The following FBN1 variants were observed in gnomAD, a reference collection of about 807,000 sequenced individuals.
The protein encoded by FBN1 is fibrillin 1, also known as fibrillin-1.
FBN1 carries 29 observed loss-of-function variants against 365.1 expected under a neutral mutation model. The ratio of observed to expected loss-of-function variants is 0.08; its 90% CI spans 0.06 to 0.11. FBN1 has a LOEUF of 0.11. Ranked by LOEUF, FBN1 falls within the 10% of genes least tolerant of loss-of-function variation. FBN1 has a pLI of 1.00. For synonymous variants in FBN1, 1,210 were observed against 1,270.5 expected, an observed-to-expected ratio of 0.95 and a Z score of 1.01; for missense variants, 2,476 against 3,703.2, an observed-to-expected ratio of 0.67 and a Z score of 8.60.
chr15:48,533,724 T>C (rs1439436336), intron 8 of FBN1, among the ~76,000 whole-genome samples: 1 of 152,204 alleles, frequency 6.6e-6, no homozygotes, highest in Non-Finnish European at 1.5e-5. Context: ...AGATATATTA[T>C]TCTGAATGAT....
At chr15:48,428,249 T>A in intron 57 of FBN1, 97 bp downstream of exon 57, 4 of 1,477,740 alleles carry the variant, frequency 2.7e-6, no homozygotes, top group Non-Finnish European at 3.8e-6. Context: ...CTTCCTCAGA[T>A]TTTGACATTT....
At chr15:48,501,102 T>C (rs555038009) in intron 17 of FBN1, among the ~76,000 whole-genome samples, 1 of 152,306 alleles carries the variant, frequency 6.6e-6, no homozygotes, top group Non-Finnish European at 1.5e-5. Flanking sequence ...CAAAAGTTAG[T>C]GGAACCGGGC....
At chr15:48,553,734 C>A (rs2141376038) in intron 6 of FBN1, among the ~76,000 whole-genome samples, 1 of 152,072 alleles carries the variant, frequency 6.6e-6, no homozygotes, top group East Asian at 1.9e-4. Context: ...GGAAAGTCTT[C>A]TAATGACAAG....
chr15:48,415,487 A>G (rs1191268939), intron 64 of FBN1, 49 bp downstream of exon 64: 1 of 1,378,066 alleles, frequency 7.3e-7, no homozygotes, highest in Non-Finnish European at 1.0e-6. Flanking sequence ...ACTTAATTAT[A>G]TTACGAATGA....
In FBN1 at chr15:48,410,196, T is replaced by A. The variant is rs1212890552; in HGVS notation, c.*794A>T. ...GCTGTGATGAAGGATGCACTGGTGA[T>A]CCTCTGGCCACTGAGGCTGTTTCCT... On this transcript the variant is annotated 3_prime_UTR_variant, in exon 66 of 66. Coordinates refer to ENST00000316623, the MANE Select transcript of FBN1 (RefSeq NM_000138.5). The A allele has an allele frequency of 6.6e-6, 1 of 152,670 alleles. No homozygotes were observed. Among genetic ancestry groups the A allele is most frequent in the Admixed American group, 6.5e-5 (1 of 15,276 alleles). The allele number at this position is 152,670 out of a possible 1,614,324, so 9.5% of individuals were successfully genotyped here.
At chr15:48,534,659 T>C (rs1201352269) in intron 7 of FBN1, among the ~76,000 whole-genome samples, 1 of 152,222 alleles carries the variant, frequency 6.6e-6, no homozygotes, top group Admixed American at 6.5e-5. Flanking sequence ...TACTGAGTGA[T>C]TTAGTTAAAA....
rs2043607801 is a variant in FBN1, at chr15:48,496,237, A to G, written c.2294-12T>C. 6.2e-7 allele frequency: 1 copy of G among 1,613,638 alleles called. No individual in the cohort carries two copies. The highest frequency in any genetic ancestry group is 8.5e-7 in the Non-Finnish European group (1 of 1,179,670). ...ACATTCATTAATATCTGCAAAGTCAATGAAAATAAACACTTAAAAAGGGCC... is the reference window on the plus strand; with the variant it reads ...ACATTCATTAATATCTGCAAAGTCAGTGAAAATAAACACTTAAAAAGGGCC... On this transcript the variant is annotated splice_polypyrimidine_tract_variant and intron_variant, in intron 19 of 65. Transcript: ENST00000316623.
chr15:48,521,029 T>G (rs1280795252), intron 9 of FBN1, among the ~76,000 whole-genome samples: 1 of 152,216 alleles, frequency 6.6e-6, no homozygotes, highest in Non-Finnish European at 1.5e-5. Flanking sequence ...TGTGTGCTAG[T>G]GCACTTGGCT....
chr15:48,435,411 A>C (rs2043057943), intron 53 of FBN1, among the ~76,000 whole-genome samples: 1 of 151,648 alleles, frequency 6.6e-6, no homozygotes. Flanking sequence ...ACATTACATC[A>C]CTCCCCAAGA....
intron 8 of FBN1, among the ~76,000 whole-genome samples, chr15:48,530,651 G>T (rs2141349467): frequency 6.6e-6 from 1 of 152,024 alleles, no homozygotes; most frequent in East Asian, 1.9e-4. Context: ...AGAGGATGGA[G>T]CCCCATCTAT....
chr15:48,632,505 G>A (rs998415139), intron 2 of FBN1, among the ~76,000 whole-genome samples: 1 of 152,156 alleles, frequency 6.6e-6, no homozygotes, highest in Admixed American at 6.5e-5. Context: ...AGAAACTGAG[G>A]CCCAGAGAGG....
intron 6 of FBN1, among the ~76,000 whole-genome samples, chr15:48,560,884 C>T (rs914780682): frequency 2.0e-5 from 3 of 152,272 alleles, no homozygotes; most frequent in South Asian, 2.1e-4. Context: ...GTGACCCTCT[C>T]TAAACCATAT....
intron 23 of FBN1, 35 bp from the exon 24 acceptor site, chr15:48,492,621 C>T (rs2043571102): frequency 7.2e-7 from 1 of 1,397,528 alleles, no homozygotes; most frequent in Non-Finnish European, 1.0e-6. Context: ...GTTAATATAT[C>T]TTTATAATAT....
chr15:48,549,853 A>G (rs1427446001), intron 6 of FBN1, among the ~76,000 whole-genome samples: 1 of 152,220 alleles, frequency 6.6e-6, no homozygotes, highest in Non-Finnish European at 1.5e-5. Flanking sequence ...AAACGACTCC[A>G]GTTCTCCCCT....
intron 6 of FBN1, among the ~76,000 whole-genome samples, chr15:48,581,585 C>T (rs2044392427): frequency 6.6e-6 from 1 of 152,152 alleles, no homozygotes; most frequent in African/African-American, 2.4e-5. Flanking sequence ...ACAAGCTCTC[C>T]TTGACAAAAT....
chr15:48,548,504 T>C (rs1250013053), intron 6 of FBN1, among the ~76,000 whole-genome samples: 5 of 152,200 alleles, frequency 3.3e-5, no homozygotes, highest in Non-Finnish European at 7.3e-5. Context: ...GAAACTTCCA[T>C]TCTATAGAAC....
At chr15:48,566,774 G>T (rs1561207) in intron 6 of FBN1, among the ~76,000 whole-genome samples, 11,747 of 152,230 alleles carry the variant, frequency 0.077, 496 homozygotes, top group Middle Eastern at 0.16. Flanking sequence ...AAGGTCACAG[G>T]CCAAGAAAAA....
intron 17 of FBN1, 88 bp downstream of exon 17, chr15:48,503,699 T>A: frequency 1.3e-6 from 2 of 1,580,368 alleles, no homozygotes; most frequent in Non-Finnish European, 1.7e-6. Flanking sequence ...GAGCAAAATG[T>A]CATCTTCCCT....
intron 6 of FBN1, among the ~76,000 whole-genome samples, chr15:48,575,060 T>A (rs879542144): frequency 5.9e-5 from 9 of 152,202 alleles, no homozygotes; most frequent in Admixed American, 5.9e-4. Flanking sequence ...ATTTGCAGAT[T>A]AGAGACGGGA....
Sources: allele counts gnomAD v4.1 joint callset (sites outside exome capture counted in the v4.1 genomes callset), GRCh38; gene constraint gnomAD v4.1.1; transcripts MANE v1.5; gene names NCBI Gene and HGNC (gene_info 2026-07-23, HGNC 2026-07-21).